Variants in MTMR14 observed in about 807,000 individuals in gnomAD.
MTMR14 encodes myotubularin related protein 14.
A neutral mutation model predicts 86.3 loss-of-function variants in MTMR14; 48 were observed. That is an observed-to-expected ratio of 0.56 (90% CI 0.44 to 0.71). The LOEUF (loss-of-function observed/expected upper bound fraction) is 0.71. MTMR14 is among the 30% of genes least tolerant of loss of function. MTMR14 has a pLI of 0.00. For missense variants in MTMR14, 780 were observed against 834.6 expected (o/e 0.93, Z 0.81); for synonymous variants, 366 against 326.1 (o/e 1.12, Z -1.32).
chr3:9,666,776 G>A (rs1226713019), intron 3 of MTMR14, among the ~76,000 whole-genome samples: 2 of 152,144 alleles, frequency 1.3e-5, no homozygotes, highest in East Asian at 1.9e-4. Context: ...GCTTTTCCAC[G>A]GACCGTATTA....
At chr3:9,685,155 C>G (rs1281988880) in intron 12 of MTMR14, 56 bp from the exon 13 acceptor site, 2 of 1,612,228 alleles carry the variant, frequency 1.2e-6, no homozygotes, top group Non-Finnish European at 1.7e-6. Context: ...ACCCTGTCCT[C>G]TTGGCCTTGT....
chr3:9,702,047 C>A lies in MTMR14; in HGVS notation c.*74C>A. The A allele has an allele frequency of 6.3e-7, 1 of 1,584,374 alleles. No homozygotes were observed. The stretch of plus-strand genomic sequence containing the variant: ...AGCAGAGAATCAAAGCCATGCCTGG[C>A]CGAAGGGGTACTTCCAGGTCAGGGG... On this transcript the variant is annotated 3_prime_UTR_variant, in exon 19 of 19. Transcript: ENST00000296003.
At chr3:9,672,819 A>C in intron 7 of MTMR14, 61 bp downstream of exon 7, 1 of 1,489,994 alleles carries the variant, frequency 6.7e-7, no homozygotes, top group Non-Finnish European at 9.4e-7. Flanking sequence ...GGCCATGAGC[A>C]AGCCCTCTCT....
Position 9,668,812 on chromosome 3 carries a change from TC to T in MTMR14, c.493+20del. ...TTTCTCAGGTGAATGTTGAACAGCA[TC>T]CTCTGATGTAGAATGAGAACCCAGT... is the stretch of plus-strand genomic sequence containing the variant. On this transcript the variant is annotated intron_variant, in intron 4 of 18. Coordinates refer to ENST00000296003, the MANE Select transcript of MTMR14 (RefSeq NM_001077525.3). 1 of 1,613,054 alleles carries T rather than the reference TC, an allele frequency of 6.2e-7. No individual in the cohort carries two copies. Among genetic ancestry groups the T allele is most frequent in the South Asian group, 1.1e-5 (1 of 91,058 alleles).
chr3:9,697,562 G>T (rs2076319321), intron 17 of MTMR14, 149 bp from the exon 18 acceptor site: 1 of 912,788 alleles, frequency 1.1e-6, no homozygotes, highest in Non-Finnish European at 1.7e-6. Flanking sequence ...GTCACTACTT[G>T]TCCAGCTTTT....
Position 9,701,510 on chromosome 3 carries a change from A to C in MTMR14, c.1770-280A>C. 1 of 479,642 alleles carries C rather than the reference A, an allele frequency of 2.1e-6. No individual in the cohort carries two copies. The highest frequency in any genetic ancestry group is 2.1e-5 in the South Asian group (1 of 47,428). The allele number at this position is 479,642 out of a possible 1,614,324, so 29.7% of individuals were successfully genotyped here. On this transcript the variant is annotated intron_variant, in intron 18 of 18. Transcript: ENST00000296003. This position sits in a 1 kb window ranked among gnomAD's most constrained non-coding sequence, Gnocchi z 4.2. ...GCATTCCAGCCTGGGCAATAGAGTG[A>C]GACCTTGTCTCAAGAAAAAAAAAAA... is the stretch of plus-strand genomic sequence containing the variant.
chr3:9,650,057 C>T (rs903001178), intron 1 of MTMR14, among the ~76,000 whole-genome samples: 1 of 152,098 alleles, frequency 6.6e-6, no homozygotes, highest in Non-Finnish European at 1.5e-5. Flanking sequence ...GGTCTATTCC[C>T]TGCTTCAGGT....
intron 2 of MTMR14, among the ~76,000 whole-genome samples, chr3:9,658,125 T>C (rs1450242345): frequency 2.6e-5 from 4 of 152,170 alleles, no homozygotes; most frequent in African/African-American, 4.8e-5. Flanking sequence ...ACTGAAGTGA[T>C]GTTGAGTGGG....
rs2125130596 is a variant in MTMR14, at chr3:9,671,049, AGTG to A, written c.560_562del (p.Gly187del). On this transcript the variant is annotated inframe_deletion and splice_region_variant, in exon 6 of 19. Coordinates refer to ENST00000296003, the MANE Select transcript of MTMR14 (RefSeq NM_001077525.3). ...TCTCCCTCTGGCTCTTTATTTCAGA[AGTG>A]GTGACACGCATCTTTTTGATAAGGT... is the stretch of plus-strand genomic sequence containing the variant. The A allele has an allele frequency of 1.9e-6, 3 of 1,614,146 alleles. No individual in the cohort carries two copies. Among genetic ancestry groups the A allele is most frequent in the Non-Finnish European group, 2.5e-6 (3 of 1,179,998 alleles).
At chr3:9,661,577 A>T (rs1216488152) in intron 2 of MTMR14, among the ~76,000 whole-genome samples, 1 of 152,100 alleles carries the variant, frequency 6.6e-6, no homozygotes, top group Non-Finnish European at 1.5e-5. Context: ...CAAAAAATAG[A>T]TAGTCACAAA....
Position 9,677,338 on chromosome 3 carries a change from A to G in MTMR14, c.773A>G (p.Tyr258Cys), listed in dbSNP as rs765089025. 7 of 1,614,112 alleles carry G rather than the reference A, an allele frequency of 4.3e-6. No homozygotes were observed. Among genetic ancestry groups the G allele is most frequent in the South Asian group, 3.3e-5 (3 of 91,082 alleles). The part of the protein sequence containing the change: ...PYPGCEFFKE[Y>C]KDRDYMAEGL... ...CCAGGCTGTGAATTTTTCAAGGAAT[A>G]TAAAGATCGGGATTACATGGCAGAA... is the stretch of plus-strand genomic sequence containing the variant. Residue 258 changes from tyrosine (Y) to cysteine (C), a missense_variant, in exon 8 of 19, where the codon TAT becomes TGT. By Grantham distance (194) the Tyr-to-Cys change is radical (BLOSUM62 -2). Transcript: ENST00000296003. This position sits in a 1 kb window ranked among gnomAD's most constrained non-coding sequence, Gnocchi z 4.2.
chr3:9,701,688 C>A lies in MTMR14; in HGVS notation c.1770-102C>A. On this transcript the variant is annotated intron_variant, in intron 18 of 18. Coordinates refer to ENST00000296003, the MANE Select transcript of MTMR14 (RefSeq NM_001077525.3). This position sits in a 1 kb window ranked among gnomAD's most constrained non-coding sequence, Gnocchi z 4.2. ...AGGACAGACACTGGCCTTGTACAGTCAGAAGAAGCACAAGGACAGGTGGTA... is the reference window on the plus strand; with the variant it reads ...AGGACAGACACTGGCCTTGTACAGTAAGAAGAAGCACAAGGACAGGTGGTA... 1 of 1,346,920 alleles carries A rather than the reference C, an allele frequency of 7.4e-7. No individual in the cohort carries two copies. The highest frequency in any genetic ancestry group is 1.2e-5 in the South Asian group (1 of 83,680). The allele number at this position is 1,346,920 out of a possible 1,614,324, so 83.4% of individuals were successfully genotyped here.
In MTMR14 at chr3:9,657,640, G is replaced by A. The variant is rs147189128; in HGVS notation, c.308+3871G>A. On this transcript the variant is annotated intron_variant, in intron 2 of 18. Transcript: ENST00000296003. ...ATCTTGGCTCACTGCAACCTCTGCC[G>A]CTCAGGTTCAAGTGATTCTCCTGCC... Among the ~76,000 whole-genome samples the A allele has an allele frequency of 2.1e-3, 318 of 151,604 alleles. 4 individuals are homozygous for A. The highest frequency in any genetic ancestry group is 7.5e-3 in the African/African-American group (308 of 41,274).
At position 9,702,270 on chromosome 3, in the gene MTMR14, G is replaced by C. The variant is rs2076483789; in HGVS notation, c.*297G>C. On this transcript the variant is annotated 3_prime_UTR_variant, in exon 19 of 19. Coordinates refer to ENST00000296003, the MANE Select transcript of MTMR14 (RefSeq NM_001077525.3). ...GGGGTTTCCCTGGGGCCTTGTGGAAGCCATGACTTCACAAAGACCCTACCT... is the reference window on the plus strand; with the variant it reads ...GGGGTTTCCCTGGGGCCTTGTGGAACCCATGACTTCACAAAGACCCTACCT... The C allele has an allele frequency of 2.1e-6, 1 of 484,076 alleles. No homozygotes were observed. Among genetic ancestry groups the C allele is most frequent in the East Asian group, 4.0e-5 (1 of 25,194 alleles). 30.0% of individuals were successfully genotyped at this position (484,076 alleles called of 1,614,324 possible).
chr3:9,698,719 C>G (rs1193026468), intron 18 of MTMR14, among the ~76,000 whole-genome samples: 2 of 152,152 alleles, frequency 1.3e-5, no homozygotes, highest in Non-Finnish European at 2.9e-5. Context: ...CAGTCAGGAG[C>G]CAGTCAGACC....
chr3:9,681,763 G>C (rs2075776121), intron 9 of MTMR14, among the ~76,000 whole-genome samples: 1 of 152,214 alleles, frequency 6.6e-6, no homozygotes, highest in South Asian at 2.1e-4. Context: ...TTACTCTGGT[G>C]TTATAGGAAG....
In MTMR14 at chr3:9,666,133, GTTTTTTT is replaced by G. The variant is rs1241278468; in HGVS notation, c.418-2572_418-2566del. Among the ~76,000 whole-genome samples, 4 of 117,272 alleles carry G rather than the reference GTTTTTTT, an allele frequency of 3.4e-5. No individual in the cohort carries two copies. The Admixed American group carries it at 3.5e-4, about 10-fold the overall frequency. The allele number at this position is 117,272 out of a possible 152,430, so 76.9% of individuals were successfully genotyped here. The stretch of plus-strand genomic sequence containing the variant: ...CCCTTAAAATGCCCAAAGTTTGTTG[GTTTTTTT>G]TTTTTTTTTTTTTGAGACAGTCTCT... On this transcript the variant is annotated intron_variant, in intron 3 of 18. Coordinates refer to ENST00000296003, the MANE Select transcript of MTMR14 (RefSeq NM_001077525.3).
At chr3:9,675,572 A>G (rs1427740688) in intron 7 of MTMR14, 1 of 457,326 alleles carries the variant, frequency 2.2e-6, no homozygotes, top group East Asian at 6.9e-5. Context: ...CAAATTCTGC[A>G]GCACAAATCT....
intron 3 of MTMR14, 28 bp downstream of exon 3, chr3:9,662,403 C>G: frequency 6.4e-7 from 1 of 1,573,496 alleles, no homozygotes; most frequent in Non-Finnish European, 8.7e-7. Context: ...GCTTCATGCT[C>G]CACGACTCTC....
Sources: gnomAD v4.1 joint callset for allele counts (sites outside exome capture counted in the v4.1 genomes callset) on GRCh38, gnomAD v4.1.1 for gene constraint, Gnocchi (gnomAD v3.1) non-coding constraint, MANE v1.5 for transcripts, NCBI Gene and HGNC (gene_info 2026-07-23, HGNC 2026-07-21) for gene names.